The following MAST4 variants were observed in gnomAD, a reference collection of about 807,000 sequenced individuals.
MAST4 encodes the protein microtubule associated serine/threonine kinase family member 4.
In MAST4, 89 loss-of-function variants were observed where a neutral mutation model predicts 162.7. That is an observed-to-expected ratio of 0.55 (90% CI 0.46 to 0.65). The LOEUF is 0.65. Ranked by LOEUF, MAST4 falls within the 30% of genes least tolerant of loss-of-function variation. MAST4 has a pLI of 0.00. For missense variants in MAST4, 3,153 were observed against 3,374.0 expected, an observed-to-expected ratio of 0.93 and a Z score of 1.62; for synonymous variants, 1,479 against 1,361.1, an observed-to-expected ratio of 1.09 and a Z score of -1.91.
At chr5:66,939,198 CAA>C (rs1367924242) in intron 4 of MAST4, among the ~76,000 whole-genome samples, 1 of 151,852 alleles carries the variant, frequency 6.6e-6, no homozygotes, top group East Asian at 1.9e-4. Context: ...AAGAGAGAAA[CAA>C]ATAGAAAACT....
At chr5:66,829,211 C>G (rs1757432982) in intron 3 of MAST4, among the ~76,000 whole-genome samples, 1 of 151,834 alleles carries the variant, frequency 6.6e-6, no homozygotes, top group Non-Finnish European at 1.5e-5. Flanking sequence ...TCTGGGAAGT[C>G]TGTCGAGGGG....
At chr5:66,738,595 T>C (rs1752285519) in intron 1 of MAST4, among the ~76,000 whole-genome samples, 2 of 152,114 alleles carry the variant, frequency 1.3e-5, no homozygotes, top group African/African-American at 4.8e-5. Context: ...GTGTGTTAGG[T>C]GCTAGGTACG....
At chr5:66,835,945 G>A (rs770225413) in intron 3 of MAST4, among the ~76,000 whole-genome samples, 37 of 152,044 alleles carry the variant, frequency 2.4e-4, no homozygotes, top group African/African-American at 4.3e-4. Context: ...CGAGGTGGGC[G>A]GATTGCTTGA....
intron 13 of MAST4, among the ~76,000 whole-genome samples, chr5:67,120,814 G>A (rs1009474258): frequency 2.6e-5 from 4 of 152,128 alleles, no homozygotes; most frequent in African/African-American, 7.2e-5. Flanking sequence ...GTGTGGATTC[G>A]CTTAAGTGAC....
chr5:66,814,151 A>G (rs1312262023), intron 3 of MAST4, among the ~76,000 whole-genome samples: 2 of 152,232 alleles, frequency 1.3e-5, no homozygotes, highest in Non-Finnish European at 2.9e-5. Flanking sequence ...TTAGGGAAGG[A>G]GATATTTTTC....
chr5:66,884,222 T>G (rs2149918234), intron 3 of MAST4, among the ~76,000 whole-genome samples: 1 of 152,358 alleles, frequency 6.6e-6, no homozygotes, highest in Admixed American at 6.5e-5. Flanking sequence ...TACTTGCTCT[T>G]AGAAAATAAA....
intron 5 of MAST4, among the ~76,000 whole-genome samples, chr5:67,066,273 A>G (rs1021406883): frequency 4.6e-5 from 7 of 151,992 alleles, no homozygotes; most frequent in African/African-American, 1.7e-4. Flanking sequence ...AAAGAAACAT[A>G]TAGATAAAAG....
At chr5:66,802,208 A>G (rs998286468) in intron 3 of MAST4, among the ~76,000 whole-genome samples, 5 of 152,042 alleles carry the variant, frequency 3.3e-5, no homozygotes, top group African/African-American at 9.7e-5. Flanking sequence ...TTTTAATTTG[A>G]TTTCTATTCT....
intron 3 of MAST4, among the ~76,000 whole-genome samples, chr5:66,892,557 T>G (rs1226646074): frequency 2.0e-5 from 3 of 152,232 alleles, no homozygotes; most frequent in African/African-American, 7.2e-5. Flanking sequence ...ATTACAGAAC[T>G]TCAAGTGAAT....
chr5:67,058,263 T>C (rs1229199641), intron 5 of MAST4, among the ~76,000 whole-genome samples: 1 of 152,178 alleles, frequency 6.6e-6, no homozygotes, highest in Non-Finnish European at 1.5e-5. Flanking sequence ...CCTTTTTTAA[T>C]TGATAAAATT....
intron 3 of MAST4, among the ~76,000 whole-genome samples, chr5:66,872,473 A>G (rs1345037834): frequency 1.3e-5 from 2 of 152,182 alleles, no homozygotes; most frequent in African/African-American, 4.8e-5. Context: ...CCTGGCCAGG[A>G]TATAATTTTA....
intron 1 of MAST4, among the ~76,000 whole-genome samples, chr5:66,720,481 CAATGTATT>C (rs1561285153): frequency 6.6e-6 from 1 of 151,976 alleles, no homozygotes; most frequent in Non-Finnish European, 1.5e-5. Flanking sequence ...CTCTTTGATT[CAATGTATT>C]TTAATTTTCA....
intron 2 of MAST4, among the ~76,000 whole-genome samples, chr5:66,777,441 A>G (rs1754655828): frequency 6.6e-6 from 1 of 152,196 alleles, no homozygotes; most frequent in Non-Finnish European, 1.5e-5. Flanking sequence ...CAGCATGTTT[A>G]TGGTAACTGA....
At position 66,848,804 on chromosome 5, in the gene MAST4, A is replaced by G. The variant is rs917944620; in HGVS notation, c.643-51147A>G. On this transcript the variant is annotated intron_variant, in intron 3 of 28. Transcript: ENST00000403625. Reference sequence around the variant, plus strand: ...AGTTGTACTCATGATTTAAGATCCAATTCCATAGACCCTCTTGCCAGACCA... The same window carrying G: ...AGTTGTACTCATGATTTAAGATCCAGTTCCATAGACCCTCTTGCCAGACCA... Among the ~76,000 whole-genome samples, 4 of 152,274 alleles carry G rather than the reference A, an allele frequency of 2.6e-5. No homozygotes were observed. In the East Asian group the frequency reaches 7.7e-4, roughly 29 times the overall value.
At position 66,645,006 on chromosome 5, in the gene MAST4, G is replaced by T. The variant is rs192685425; in HGVS notation, c.363+47988G>T. On this transcript the variant is annotated intron_variant, in intron 1 of 28. Transcript: ENST00000403625. ...GGTCAGTGGATGAGCTTCTTGTGGGGTGGGGGCTTGGAGGTTGGGGGAACT... is the reference window on the plus strand; with the variant it reads ...GGTCAGTGGATGAGCTTCTTGTGGGTTGGGGGCTTGGAGGTTGGGGGAACT... Among the ~76,000 whole-genome samples the T allele has an allele frequency of 8.9e-4, 136 of 151,960 alleles. 2 individuals are homozygous for T. In the East Asian group the frequency reaches 0.025, roughly 28 times the overall value.
chr5:66,943,900 C>G (rs780410340), intron 4 of MAST4, among the ~76,000 whole-genome samples: 17 of 152,062 alleles, frequency 1.1e-4, no homozygotes, highest in Non-Finnish European at 2.2e-4. Context: ...TTTGTATTCA[C>G]TGGTCTTCTC....
chr5:67,082,937 G>T (rs990800396), intron 5 of MAST4, among the ~76,000 whole-genome samples: 2 of 152,334 alleles, frequency 1.3e-5, no homozygotes, highest in Middle Eastern at 3.4e-3. Context: ...AAAAAGGGAG[G>T]TTGGGATAGG....
intron 1 of MAST4, among the ~76,000 whole-genome samples, chr5:66,698,616 G>T (rs144502066): frequency 7.1e-4 from 108 of 152,184 alleles, no homozygotes; most frequent in African/African-American, 2.4e-3. Context: ...AGTGTCTCCT[G>T]TATCTCTGGC....
At chr5:67,093,930 CAAATA>C (rs916222659) in intron 6 of MAST4, among the ~76,000 whole-genome samples, 21 of 152,130 alleles carry the variant, frequency 1.4e-4, no homozygotes, top group African/African-American at 5.1e-4. Context: ...AATAAGTAGC[CAAATA>C]AAATAATATC....
Sources: gnomAD v4.1 joint callset for allele counts (sites outside exome capture counted in the v4.1 genomes callset) on GRCh38, gnomAD v4.1.1 for gene constraint, MANE v1.5 for transcripts, NCBI Gene and HGNC (gene_info 2026-07-23, HGNC 2026-07-21) for gene names.